Variants in SCRN3 observed in about 807,000 individuals in gnomAD.
The protein encoded by SCRN3 is secernin 3.
SCRN3 carries 39 observed loss-of-function variants against 43.1 expected under a neutral mutation model. The ratio of observed to expected loss-of-function variants is 0.91; its 90% CI spans 0.70 to 1.18. The LOEUF (loss-of-function observed/expected upper bound fraction) is 1.18. SCRN3 is among the 50% of genes most tolerant of loss of function. The pLI, the probability that SCRN3 is intolerant of heterozygous loss-of-function variation, is 0.00. For missense variants in SCRN3, 484 were observed against 498.0 expected, an observed-to-expected ratio of 0.97 and a Z score of 0.27; for synonymous variants, 147 against 163.1, an observed-to-expected ratio of 0.90 and a Z score of 0.75.
At chr2:174,408,793 C>T (rs1430256259) in intron 5 of SCRN3, among the ~76,000 whole-genome samples, 1 of 135,074 alleles carries the variant, frequency 7.4e-6, no homozygotes, top group Non-Finnish European at 1.6e-5. Context: ...GGCCCCCACT[C>T]TCTTCTGGCT....
intron 7 of SCRN3, among the ~76,000 whole-genome samples, chr2:174,425,096 A>G (rs753390321): frequency 2.2e-4 from 33 of 152,310 alleles, no homozygotes; most frequent in Non-Finnish European, 4.0e-4. Context: ...GTTCTTGATG[A>G]TACAGACCCA....
chr2:174,397,618 G>C (rs1449119542), intron 1 of SCRN3, among the ~76,000 whole-genome samples: 1 of 152,062 alleles, frequency 6.6e-6, no homozygotes, highest in African/African-American at 2.4e-5. Context: ...TACTGGGCAC[G>C]TAAGATTTTT....
intron 7 of SCRN3, among the ~76,000 whole-genome samples, chr2:174,425,741 C>T (rs1015521741): frequency 6.6e-6 from 1 of 151,784 alleles, no homozygotes; most frequent in Non-Finnish European, 1.5e-5. Context: ...CATAAGATGT[C>T]GATTGACAAC....
chr2:174,412,277 A>G (rs1333109652), intron 5 of SCRN3, among the ~76,000 whole-genome samples: 1 of 152,150 alleles, frequency 6.6e-6, no homozygotes, highest in African/African-American at 2.4e-5. Context: ...CTCCAAGAGA[A>G]ACCTTCTTTT....
At chr2:174,396,233 T>C (rs958633688) in intron 1 of SCRN3, 9 of 934,710 alleles carry the variant, frequency 9.6e-6, no homozygotes, top group Middle Eastern at 5.1e-4. Flanking sequence ...AGCTGTACGG[T>C]ACTGGCGCCG....
intron 5 of SCRN3, among the ~76,000 whole-genome samples, chr2:174,409,370 T>G (rs924933098): frequency 1.4e-5 from 2 of 148,102 alleles, no homozygotes; most frequent in African/African-American, 4.9e-5. Context: ...CTAAATTTTT[T>G]TCAAAGTTTT....
At chr2:174,426,687 G>A (rs1406456051) in intron 7 of SCRN3, among the ~76,000 whole-genome samples, 7 of 151,846 alleles carry the variant, frequency 4.6e-5, no homozygotes, top group African/African-American at 1.7e-4. Flanking sequence ...CAGGGGAATC[G>A]CTTGAACCCA....
intron 1 of SCRN3, chr2:174,397,055 A>G: frequency 1.0e-6 from 1 of 981,402 alleles, no homozygotes; most frequent in Non-Finnish European, 1.2e-6. Flanking sequence ...TAAAACACAA[A>G]TAGAAGGAGA....
chr2:174,406,417 G>A (rs62173576), intron 5 of SCRN3, among the ~76,000 whole-genome samples: 4,346 of 113,274 alleles, frequency 0.038, 51 homozygotes, highest in Non-Finnish European at 0.056. Flanking sequence ...GGGACAATTT[G>A]ACTTCCTCTT....
intron 1 of SCRN3, chr2:174,397,068 C>A: frequency 1.0e-6 from 1 of 982,640 alleles, no homozygotes; most frequent in Non-Finnish European, 1.2e-6. Flanking sequence ...GAAGGAGATC[C>A]AGGACATAAG....
intron 4 of SCRN3, 77 bp downstream of exon 4, chr2:174,401,266 A>G: frequency 9.2e-7 from 1 of 1,092,344 alleles, no homozygotes; most frequent in Non-Finnish European, 1.3e-6. Context: ...ATTGCATTTA[A>G]TTGCTTCCAA....
In SCRN3 at chr2:174,401,176, A is replaced by G; in HGVS notation, c.528A>G (p.Ala176=). Residue 176 remains alanine, a synonymous_variant, in exon 4 of 8, where the codon GCA becomes GCG. Coordinates refer to ENST00000272732, the MANE Select transcript of SCRN3 (RefSeq NM_024583.5). Reference sequence around the variant, plus strand: ...AGACTGCAGGGAAGTACTGGGCAGCAGAAAAAGTACAAGGTATGGACAACT... The same window carrying G: ...AGACTGCAGGGAAGTACTGGGCAGCGGAAAAAGTACAAGGTATGGACAACT... ...ILETAGKYWA[A]EKVQEGVRNI... 1.2e-6 allele frequency: 2 copies of G among 1,613,694 alleles called. No homozygotes were observed. Among genetic ancestry groups the G allele is most frequent in the Non-Finnish European group, 1.7e-6 (2 of 1,179,724 alleles).
At chr2:174,423,744 C>G (rs1205657201) in intron 6 of SCRN3, among the ~76,000 whole-genome samples, 1 of 149,250 alleles carries the variant, frequency 6.7e-6, no homozygotes, top group African/African-American at 2.5e-5. Flanking sequence ...GCTGGGATTA[C>G]AGGCGTGAGC....
intron 4 of SCRN3, 23 bp from the exon 5 acceptor site, chr2:174,404,080 C>T (rs774349842): frequency 2.5e-6 from 4 of 1,568,830 alleles, no homozygotes; most frequent in Admixed American, 3.4e-5. Context: ...CTTCTCCTTT[C>T]TCCTCTTCTT....
At chr2:174,396,200 G>A (rs1404551742) in intron 1 of SCRN3, 1 of 827,750 alleles carries the variant, frequency 1.2e-6, no homozygotes, top group African/African-American at 1.8e-5. Context: ...TGCAAGAACG[G>A]AGGCCCTGTC....
Position 174,428,819 on chromosome 2 carries a change from G to A in SCRN3, c.*924G>A, listed in dbSNP as rs1018380967. 6.6e-6 allele frequency: 1 copy of A among 151,966 alleles called. No individual in the cohort carries two copies. The highest frequency in any genetic ancestry group is 2.4e-5 in the African/African-American group (1 of 41,380). 9.4% of individuals were successfully genotyped at this position (151,966 alleles called of 1,614,324 possible). On this transcript the variant is annotated 3_prime_UTR_variant, in exon 8 of 8. Transcript: ENST00000272732. ...CCTAAAGTTTATAAAACATTGTTTAGGTTACATAAAGATTACCAAGTAAGA... is the reference window on the plus strand; with the variant it reads ...CCTAAAGTTTATAAAACATTGTTTAAGTTACATAAAGATTACCAAGTAAGA...
intron 1 of SCRN3, among the ~76,000 whole-genome samples, chr2:174,397,896 T>TG (rs1685376835): frequency 6.6e-6 from 1 of 152,236 alleles, no homozygotes; most frequent in Non-Finnish European, 1.5e-5. Context: ...ATTTTCTTAC[T>TG]GAGTTGTAGT....
intron 5 of SCRN3, among the ~76,000 whole-genome samples, chr2:174,415,900 C>T (rs1409815416): frequency 1.3e-5 from 2 of 152,138 alleles, no homozygotes; most frequent in African/African-American, 4.8e-5. Context: ...CCACCTTGGC[C>T]TATCAAAGTG....
intron 3 of SCRN3, 88 bp downstream of exon 3, chr2:174,400,191 G>A: frequency 9.9e-7 from 1 of 1,007,672 alleles, no homozygotes; most frequent in Non-Finnish European, 1.4e-6. Flanking sequence ...TCCTATTTTT[G>A]AGGGGGCTTT....
Sources: allele counts gnomAD v4.1 joint callset (sites outside exome capture counted in the v4.1 genomes callset), GRCh38; gene constraint gnomAD v4.1.1; transcripts MANE v1.5; gene names NCBI Gene and HGNC (gene_info 2026-07-23, HGNC 2026-07-21).